Variants in NQO2 observed in about 807,000 individuals in gnomAD.
NQO2 encodes the protein ribosyldihydronicotinamide dehydrogenase [quinone].
Under a neutral mutation model 22.0 loss-of-function variants are expected in NQO2, and 18 were observed. The ratio of observed to expected loss-of-function variants is 0.82; its 90% CI spans 0.56 to 1.21. The LOEUF (loss-of-function observed/expected upper bound fraction) is 1.21, where lower values mean the gene tolerates loss of function less well. NQO2 is among the 50% of genes most tolerant of loss of function. The pLI is 0.00. For synonymous variants in NQO2, 106 were observed against 110.8 expected (o/e 0.96, Z 0.28); for missense variants, 267 against 286.9 (o/e 0.93, Z 0.50).
At chr6:3,016,430 C>CAAAAAAAAAAAAAAA (rs36118697) in intron 5 of NQO2, among the ~76,000 whole-genome samples, 16 of 85,696 alleles carry the variant, frequency 1.9e-4, no homozygotes, top group African/African-American at 7.2e-4. Context: ...GACTCTGTCT[C>CAAAAAAAAAAAAAAA]AAAAAAAAAA....
chr6:3,004,805 A>G (rs1756884934), intron 1 of NQO2, among the ~76,000 whole-genome samples: 1 of 151,730 alleles, frequency 6.6e-6, no homozygotes, highest in South Asian at 2.1e-4. Flanking sequence ...TTTTTATCCC[A>G]TTTTTTCCTA....
intron 2 of NQO2, among the ~76,000 whole-genome samples, chr6:3,009,506 TTAAAG>T (rs1757072463): frequency 6.6e-6 from 1 of 152,160 alleles, no homozygotes; most frequent in Non-Finnish European, 1.5e-5. Flanking sequence ...GATTAAGAGA[TTAAAG>T]TAAAGACAAG....
At chr6:3,012,273 A>G in intron 3 of NQO2, 1 of 523,748 alleles carries the variant, frequency 1.9e-6, no homozygotes, top group East Asian at 1.5e-4. Flanking sequence ...CTCTCTGGTA[A>G]ATTGGGAAAT....
chr6:3,016,260 A>G (rs3778260), intron 5 of NQO2, among the ~76,000 whole-genome samples: 117,035 of 151,726 alleles, frequency 0.77, 45,684 homozygotes, highest in African/African-American at 0.9. Flanking sequence ...GTGAAACCCC[A>G]TCTCTACTAA....
chr6:3,011,595 G>A (rs1757134876), intron 3 of NQO2, among the ~76,000 whole-genome samples: 1 of 152,132 alleles, frequency 6.6e-6, no homozygotes, highest in Non-Finnish European at 1.5e-5. Flanking sequence ...CCTGGTAGAG[G>A]AAGGTCATAG....
chr6:3,008,010 G>A (rs1011806720), intron 2 of NQO2, among the ~76,000 whole-genome samples: 2 of 152,250 alleles, frequency 1.3e-5, no homozygotes, highest in Admixed American at 6.5e-5. Context: ...AAAAGATTTA[G>A]TGGTGGTATT....
At chr6:3,009,178 A>G (rs939991783) in intron 2 of NQO2, among the ~76,000 whole-genome samples, 1 of 152,184 alleles carries the variant, frequency 6.6e-6, no homozygotes, top group Non-Finnish European at 1.5e-5. Context: ...CGAAGCGGCC[A>G]TTTCAGAGGC....
chr6:3,018,210 A>G (rs1047744710), intron 6 of NQO2, among the ~76,000 whole-genome samples: 2 of 152,192 alleles, frequency 1.3e-5, no homozygotes, highest in African/African-American at 4.8e-5. Flanking sequence ...CCAGTAATAA[A>G]GTCATGTTGT....
intron 4 of NQO2, among the ~76,000 whole-genome samples, chr6:3,013,078 C>A (rs949936299): frequency 6.6e-6 from 1 of 150,564 alleles, no homozygotes; most frequent in African/African-American, 2.4e-5. Flanking sequence ...GCCTCAGCCT[C>A]CCGAGTAGCT....
In NQO2 at chr6:3,006,440, C is replaced by T. The variant is rs1756951819; in HGVS notation, c.-85-28C>T. On this transcript the variant is annotated intron_variant, in intron 1 of 6. Coordinates refer to ENST00000380455, the MANE Select transcript of NQO2 (RefSeq NM_000904.6). The surrounding 1 kb of genome is among the most constrained non-coding windows in gnomAD (Gnocchi z 4.0). ...TCGACCTCACCTATGCCTCTCCCCACCCCCTCTGGGTTCGTTTTGTCTTCC... is the reference window on the plus strand; with the variant it reads ...TCGACCTCACCTATGCCTCTCCCCATCCCCTCTGGGTTCGTTTTGTCTTCC... 2.5e-6 allele frequency: 4 copies of T among 1,577,816 alleles called. No individual in the cohort carries two copies. The South Asian group carries it at 4.7e-5, about 18-fold the overall frequency.
At chr6:3,015,773 C>A in intron 5 of NQO2, 130 bp downstream of exon 5, 3 of 843,948 alleles carry the variant, frequency 3.6e-6, no homozygotes, top group Non-Finnish European at 5.5e-6. Flanking sequence ...CCACTATGTA[C>A]AAAGCACCAT....
chr6:3,011,184 T>C (rs1438900072), intron 3 of NQO2, among the ~76,000 whole-genome samples: 2 of 152,160 alleles, frequency 1.3e-5, no homozygotes, highest in African/African-American at 4.8e-5. Flanking sequence ...AATAGCACTT[T>C]TAAGGAAATG....
In NQO2 at chr6:3,012,613, T is replaced by C. The variant is rs1757173989; in HGVS notation, c.242T>C (p.Leu81Pro). The C allele has an allele frequency of 2.5e-6, 4 of 1,614,184 alleles. No individual in the cohort carries two copies. Among genetic ancestry groups the C allele is most frequent in the Non-Finnish European group, 3.4e-6 (4 of 1,180,030 alleles). ...CACGAAGCCTACAAGCAAAGGTCTC[T>C]GGCTAGCGACATCACTGATGAGCAG... Reference protein sequence around the residue: ...ETHEAYKQRSLASDITDEQKK... With the variant: ...ETHEAYKQRSPASDITDEQKK... The change falls in exon 4 of 7, where the codon CTG becomes CCG. Residue 81 changes from leucine (L) to proline (P), a missense_variant. Physicochemically the swap from Leu to Pro is moderately conservative, Grantham distance 98 (BLOSUM62 -3). Transcript: ENST00000380455.
chr6:3,004,729 C>T (rs552232389), intron 1 of NQO2: 48 of 780,798 alleles, frequency 6.1e-5, no homozygotes, highest in Admixed American at 1.2e-4. Flanking sequence ...TTCACGTTGT[C>T]GTTTGGACAC....
intron 4 of NQO2, among the ~76,000 whole-genome samples, chr6:3,014,090 T>A (rs942331677): frequency 1.3e-5 from 2 of 152,172 alleles, no homozygotes; most frequent in African/African-American, 4.8e-5. Context: ...GAGTCCGCCA[T>A]GTGAGGGCAA....
At chr6:3,018,870 C>CAAAA (rs375212473) in intron 6 of NQO2, among the ~76,000 whole-genome samples, 5 of 147,566 alleles carry the variant, frequency 3.4e-5, no homozygotes, top group African/African-American at 1.0e-4. Context: ...CATATTATGG[C>CAAAA]CAAAAAAAAA....
At chr6:3,018,871 C>A (rs868607775) in intron 6 of NQO2, among the ~76,000 whole-genome samples, 8,377 of 140,162 alleles carry the variant, frequency 0.06, 396 homozygotes, top group African/African-American at 0.13. Flanking sequence ...ATATTATGGC[C>A]AAAAAAAAAA....
chr6:3,015,398 G>A, intron 4 of NQO2, 132 bp from the exon 5 acceptor site: 10 of 1,473,106 alleles, frequency 6.8e-6, no homozygotes, highest in Non-Finnish European at 9.0e-6. Flanking sequence ...TGACCATAAG[G>A]GTTACCCTCA....
chr6:3,000,874 A>G (rs1029535997), intron 1 of NQO2, among the ~76,000 whole-genome samples: 10 of 148,568 alleles, frequency 6.7e-5, no homozygotes, highest in Non-Finnish European at 1.5e-4. Context: ...GAAGAGTCTC[A>G]CTCTGTTGCC....
Sources: allele counts gnomAD v4.1 joint callset (sites outside exome capture counted in the v4.1 genomes callset), GRCh38; gene constraint gnomAD v4.1.1; non-coding constraint Gnocchi (gnomAD v3.1); transcripts MANE v1.5; gene names NCBI Gene and HGNC (gene_info 2026-07-23, HGNC 2026-07-21).